Variants in MECOM observed in about 807,000 individuals in gnomAD.
MECOM encodes the protein MDS1 and EVI1 complex locus, also known as histone-lysine N-methyltransferase MECOM.
A neutral mutation model predicts 116.3 loss-of-function variants in MECOM; 13 were observed. The observed-to-expected ratio is 0.11, with a 90% CI of 0.07 to 0.18. The LOEUF (loss-of-function observed/expected upper bound fraction) is 0.18, where lower values mean the gene tolerates loss of function less well. Among genes scored for constraint, MECOM ranks in the 10% least tolerant of loss-of-function variants. MECOM has a pLI of 1.00. For missense variants in MECOM, 1,299 were observed against 1,509.0 expected, an observed-to-expected ratio of 0.86 and a Z score of 2.31; for synonymous variants, 528 against 535.2, an observed-to-expected ratio of 0.99 and a Z score of 0.19.
intron 1 of MECOM, among the ~76,000 whole-genome samples, chr3:169,576,005 C>A (rs1764454859): frequency 6.6e-6 from 1 of 152,184 alleles, no homozygotes; most frequent in Non-Finnish European, 1.5e-5. Flanking sequence ...ATACCCATTT[C>A]TATTAATCTA....
chr3:169,398,362 T>C (rs988594679), intron 1 of MECOM, among the ~76,000 whole-genome samples: 2 of 152,194 alleles, frequency 1.3e-5, no homozygotes, highest in African/African-American at 4.8e-5. Flanking sequence ...ACATCCCATT[T>C]TAAAAACCTG....
At chr3:169,424,285 T>C (rs1334483200) in intron 1 of MECOM, among the ~76,000 whole-genome samples, 2 of 152,166 alleles carry the variant, frequency 1.3e-5, no homozygotes, top group African/African-American at 4.8e-5. Flanking sequence ...AAGACCATGA[T>C]GCTCTGGTTT....
chr3:169,187,527 G>A (rs1196904825), intron 2 of MECOM, among the ~76,000 whole-genome samples: 1 of 152,048 alleles, frequency 6.6e-6, no homozygotes. Flanking sequence ...TGGCAATATA[G>A]TTTCTGAACA....
chr3:169,183,221 A>G (rs1411479014), intron 2 of MECOM, among the ~76,000 whole-genome samples: 1 of 152,116 alleles, frequency 6.6e-6, no homozygotes, highest in Admixed American at 6.5e-5. Context: ...AGGGCTAGTG[A>G]GCTTATCTGG....
intron 1 of MECOM, among the ~76,000 whole-genome samples, chr3:169,531,465 G>C (rs568466775): frequency 2.2e-4 from 34 of 152,082 alleles, no homozygotes; most frequent in Non-Finnish European, 4.4e-4. Flanking sequence ...TCTCTCATAT[G>C]ACCCTCTCCA....
At chr3:169,419,106 C>G (rs1483478465) in intron 1 of MECOM, among the ~76,000 whole-genome samples, 1 of 152,094 alleles carries the variant, frequency 6.6e-6, no homozygotes, top group African/African-American at 2.4e-5. Context: ...CAATAATAGA[C>G]AAACAGAGAG....
At chr3:169,401,859 G>A (rs112176554) in intron 1 of MECOM, among the ~76,000 whole-genome samples, 5 of 152,160 alleles carry the variant, frequency 3.3e-5, no homozygotes, top group African/African-American at 1.2e-4. Flanking sequence ...CAGAGAAAGA[G>A]GCAGTGAGGA....
intron 2 of MECOM, among the ~76,000 whole-genome samples, chr3:169,199,420 T>C (rs1255279817): frequency 6.6e-6 from 1 of 152,040 alleles, no homozygotes; most frequent in Non-Finnish European, 1.5e-5. Context: ...GTTTTCTTTC[T>C]TTTCTTTTCT....
chr3:169,322,745 C>A (rs1345947198), intron 2 of MECOM, among the ~76,000 whole-genome samples: 1 of 151,986 alleles, frequency 6.6e-6, no homozygotes, highest in East Asian at 1.9e-4. Context: ...TGCCTGTAAT[C>A]CCAGAACTTT....
At chr3:169,486,796 A>G (rs536361116) in intron 1 of MECOM, among the ~76,000 whole-genome samples, 2 of 152,100 alleles carry the variant, frequency 1.3e-5, no homozygotes, top group South Asian at 4.1e-4. Context: ...AGATTTTCTC[A>G]GATAAAGCCT....
Position 169,653,685 on chromosome 3 carries a change from C to A in MECOM, c.37+9651G>T, listed in dbSNP as rs142942730. Among the ~76,000 whole-genome samples the A allele has an allele frequency of 1.8e-3, 271 of 152,238 alleles. 1 individual carries two copies. The highest frequency in any genetic ancestry group is 6.0e-3 in the African/African-American group (250 of 41,550). ...ATGGACCAGTCTTGAATAAGACAAG[C>A]CTGAAAAGTCAATAAAATAATGTAT... On this transcript the variant is annotated intron_variant, in intron 1 of 16. Coordinates refer to ENST00000651503, the MANE Select transcript of MECOM (RefSeq NM_004991.4).
At chr3:169,501,336 A>G (rs1032263317) in intron 1 of MECOM, among the ~76,000 whole-genome samples, 1 of 151,416 alleles carries the variant, frequency 6.6e-6, no homozygotes, top group South Asian at 2.1e-4. Context: ...GCTAAAGACT[A>G]GAAAACAGAC....
intron 1 of MECOM, among the ~76,000 whole-genome samples, chr3:169,607,134 C>A (rs1296706170): frequency 2.0e-5 from 3 of 152,180 alleles, no homozygotes; most frequent in African/African-American, 4.8e-5. Flanking sequence ...AATATAATAT[C>A]TTTATAAATG....
At chr3:169,567,348 AC>A (rs1381767748) in intron 1 of MECOM, among the ~76,000 whole-genome samples, 1 of 151,836 alleles carries the variant, frequency 6.6e-6, no homozygotes, top group Non-Finnish European at 1.5e-5. Context: ...ATTTCCCATC[AC>A]CCCCACTCTC....
At chr3:169,378,511 AAGAAAAGAAAG>A (rs1450725813) in intron 2 of MECOM, among the ~76,000 whole-genome samples, 1 of 31,046 alleles carries the variant, frequency 3.2e-5, no homozygotes, top group Non-Finnish European at 5.6e-5. Flanking sequence ...GAAAGAAAGA[AAGAAAAGAAAG>A]AAAGAAAGAA....
chr3:169,422,005 C>A (rs1429663961), intron 1 of MECOM, among the ~76,000 whole-genome samples: 1 of 152,076 alleles, frequency 6.6e-6, no homozygotes, highest in Non-Finnish European at 1.5e-5. Context: ...ACGATTTATG[C>A]TTCACTATAT....
chr3:169,355,086 G>C (rs1443865667), intron 2 of MECOM, among the ~76,000 whole-genome samples: 2 of 151,806 alleles, frequency 1.3e-5, no homozygotes, highest in Non-Finnish European at 2.9e-5. Context: ...TCAATTTGTC[G>C]GGAAAAAAGG....
At chr3:169,118,100 T>TAA (rs57229109) in intron 7 of MECOM, among the ~76,000 whole-genome samples, 6 of 147,376 alleles carry the variant, frequency 4.1e-5, no homozygotes, top group Admixed American at 2.7e-4. Context: ...CAATAATAAT[T>TAA]AAAAAAAAAA....
At chr3:169,174,834 C>A (rs1744907430) in intron 2 of MECOM, among the ~76,000 whole-genome samples, 3 of 152,058 alleles carry the variant, frequency 2.0e-5, no homozygotes, top group African/African-American at 7.2e-5. Flanking sequence ...CACCATCTAC[C>A]ACATTACTCA....
Sources: allele counts gnomAD v4.1 joint callset (sites outside exome capture counted in the v4.1 genomes callset), GRCh38; gene constraint gnomAD v4.1.1; transcripts MANE v1.5; gene names NCBI Gene and HGNC (gene_info 2026-07-23, HGNC 2026-07-21).